The following FRMD4A variants were observed in gnomAD, a reference collection of about 807,000 sequenced individuals.
FRMD4A encodes the protein FERM domain-containing protein 4A.
In FRMD4A, 29 loss-of-function variants were observed where a neutral mutation model predicts 129.1. The ratio of observed to expected loss-of-function variants is 0.22; its 90% CI spans 0.17 to 0.31. The LOEUF is 0.31. Among genes scored for constraint, FRMD4A ranks in the 10% least tolerant of loss-of-function variants. The pLI is 1.00. For missense variants in FRMD4A, 1,272 were observed against 1,375.8 expected, an observed-to-expected ratio of 0.92 and a Z score of 1.19; for synonymous variants, 634 against 571.6, an observed-to-expected ratio of 1.11 and a Z score of -1.56.
At chr10:13,907,908 G>A (rs561504293) in intron 2 of FRMD4A, among the ~76,000 whole-genome samples, 2 of 150,406 alleles carry the variant, frequency 1.3e-5, no homozygotes, top group South Asian at 4.2e-4. Context: ...GCTCACACCT[G>A]TAATGCCAGC....
intron 2 of FRMD4A, among the ~76,000 whole-genome samples, chr10:13,929,020 T>G (rs1015412052): frequency 6.6e-6 from 1 of 152,232 alleles, no homozygotes; most frequent in Non-Finnish European, 1.5e-5. Flanking sequence ...CGGACACGCT[T>G]GGCACCCTTT....
intron 2 of FRMD4A, among the ~76,000 whole-genome samples, chr10:14,018,783 T>C (rs1832598884): frequency 6.6e-6 from 1 of 152,144 alleles, no homozygotes; most frequent in Non-Finnish European, 1.5e-5. Flanking sequence ...GATGGTCCTA[T>C]TAGTCAAAAT....
chr10:14,160,652 A>T (rs1840836680), intron 2 of FRMD4A, among the ~76,000 whole-genome samples: 1 of 152,236 alleles, frequency 6.6e-6, no homozygotes, highest in African/African-American at 2.4e-5. Flanking sequence ...ATTATTTCTC[A>T]AAAGAAGACA....
chr10:14,228,315 A>G (rs1232273761), intron 2 of FRMD4A, among the ~76,000 whole-genome samples: 13 of 152,254 alleles, frequency 8.5e-5, no homozygotes, highest in Admixed American at 3.9e-4. Flanking sequence ...TATATTCACA[A>G]AAATACAGTG....
intron 2 of FRMD4A, among the ~76,000 whole-genome samples, chr10:14,242,100 T>C (rs1029211415): frequency 6.6e-6 from 1 of 152,128 alleles, no homozygotes; most frequent in Admixed American, 6.5e-5. Context: ...TGTCTCAAGC[T>C]AAGTACACCA....
chr10:13,730,859 C>CAAAAAAAAAAAAAA (rs10639026), intron 12 of FRMD4A, among the ~76,000 whole-genome samples: 115 of 90,560 alleles, frequency 1.3e-3, no homozygotes, highest in Non-Finnish European at 1.8e-3. Context: ...ACTAAAAATA[C>CAAAAAAAAAAAAAA]AAAAAAAAAA....
intron 18 of FRMD4A, among the ~76,000 whole-genome samples, chr10:13,664,894 T>C (rs1589264075): frequency 6.6e-6 from 1 of 151,944 alleles, no homozygotes; most frequent in African/African-American, 2.4e-5. Flanking sequence ...TTTTGTTTGT[T>C]TGTTTGAGAT....
At chr10:13,823,690 C>G (rs572293552) in intron 3 of FRMD4A, among the ~76,000 whole-genome samples, 1 of 152,132 alleles carries the variant, frequency 6.6e-6, no homozygotes, top group African/African-American at 2.4e-5. Flanking sequence ...AAAAGCTGCC[C>G]GTGCACTCAC....
chr10:14,072,321 A>G (rs1308438610), intron 2 of FRMD4A, among the ~76,000 whole-genome samples: 1 of 152,218 alleles, frequency 6.6e-6, no homozygotes, highest in Non-Finnish European at 1.5e-5. Flanking sequence ...ATCCTCAAAA[A>G]GCCAAGTGAA....
intron 2 of FRMD4A, among the ~76,000 whole-genome samples, chr10:13,937,400 T>C (rs577015281): frequency 6.6e-6 from 1 of 152,356 alleles, no homozygotes; most frequent in Non-Finnish European, 1.5e-5. Flanking sequence ...TAACGTTTCA[T>C]GTTGTAGAAG....
At chr10:13,768,584 G>T (rs576163148) in intron 6 of FRMD4A, among the ~76,000 whole-genome samples, 7 of 152,254 alleles carry the variant, frequency 4.6e-5, no homozygotes, top group African/African-American at 1.4e-4. Flanking sequence ...GCCACCAAGC[G>T]TTTTCCTAAC....
intron 2 of FRMD4A, among the ~76,000 whole-genome samples, chr10:14,291,406 G>T (rs1413269057): frequency 1.3e-5 from 2 of 152,054 alleles, no homozygotes; most frequent in African/African-American, 2.4e-5. Context: ...TAGATATTCT[G>T]ACCCAGGGTC....
At chr10:14,195,838 T>G (rs1376297580) in intron 2 of FRMD4A, among the ~76,000 whole-genome samples, 3 of 152,208 alleles carry the variant, frequency 2.0e-5, no homozygotes, top group Non-Finnish European at 4.4e-5. Context: ...ATAGAGAAGG[T>G]GCCTGTTGTA....
chr10:14,185,487 AT>A (rs1034172883), intron 2 of FRMD4A, among the ~76,000 whole-genome samples: 3 of 152,208 alleles, frequency 2.0e-5, no homozygotes, highest in Non-Finnish European at 2.9e-5. Context: ...ACATTTTGTA[AT>A]TTTTCTAACT....
At position 13,654,449 on chromosome 10, in the gene FRMD4A, C is replaced by CT; in HGVS notation, c.3016dup (p.Ser1006LysfsTer25). ...CCAGGTTAGGATGTGGTGGGGGCTG[C>CT]TTGGGGGGGTGGCTCCAATTTCACT... is the stretch of plus-strand genomic sequence containing the variant. On this transcript the variant is annotated frameshift_variant, in exon 23 of 25. Coordinates refer to ENST00000357447, the MANE Select transcript of FRMD4A (RefSeq NM_018027.5). LOFTEE classifies it high-confidence loss of function. 1 of 1,613,120 alleles carries CT rather than the reference C, an allele frequency of 6.2e-7. No homozygotes were observed. The highest frequency in any genetic ancestry group is 8.5e-7 in the Non-Finnish European group (1 of 1,179,128).
intron 2 of FRMD4A, among the ~76,000 whole-genome samples, chr10:14,313,982 A>G (rs1407615161): frequency 6.6e-6 from 1 of 152,224 alleles, no homozygotes; most frequent in African/African-American, 2.4e-5. Flanking sequence ...TGCAGACAAC[A>G]AAGTCCACCC....
chr10:13,647,867 C>A (rs1165505532), intron 24 of FRMD4A: 1 of 151,232 alleles, frequency 6.6e-6, no homozygotes, highest in African/African-American at 2.4e-5. Flanking sequence ...TTCGGAAAAA[C>A]AGCCTCTCTT....
intron 2 of FRMD4A, among the ~76,000 whole-genome samples, chr10:13,861,402 T>A (rs1316391630): frequency 6.6e-6 from 1 of 152,190 alleles, no homozygotes; most frequent in East Asian, 1.9e-4. Flanking sequence ...CATATTTCCA[T>A]CAAGTCGGGT....
intron 12 of FRMD4A, among the ~76,000 whole-genome samples, chr10:13,732,864 C>G (rs990687173): frequency 1.3e-5 from 2 of 152,240 alleles, no homozygotes; most frequent in Non-Finnish European, 2.9e-5. Flanking sequence ...CTGACCTTCC[C>G]CATGTCTGAG....
Sources: gnomAD v4.1 joint callset for allele counts (sites outside exome capture counted in the v4.1 genomes callset) on GRCh38, gnomAD v4.1.1 for gene constraint, MANE v1.5 for transcripts, NCBI Gene and HGNC (gene_info 2026-07-23, HGNC 2026-07-21) for gene names.